Variants in GPD2 observed in about 807,000 individuals in gnomAD.
The protein encoded by GPD2 is glycerol-3-phosphate dehydrogenase, mitochondrial.
A neutral mutation model predicts 82.4 loss-of-function variants in GPD2; 54 were observed. That is an observed-to-expected ratio of 0.66 (90% CI 0.53 to 0.82). The LOEUF is 0.82. Among genes scored for constraint, GPD2 ranks in the 40% least tolerant of loss-of-function variants. The pLI is 0.00. For synonymous variants in GPD2, 288 were observed against 306.1 expected, an observed-to-expected ratio of 0.94 and a Z score of 0.62; for missense variants, 748 against 896.2, an observed-to-expected ratio of 0.83 and a Z score of 2.11.
the GPD2 span, among the ~76,000 whole-genome samples, chr2:156,404,951 A>G: frequency 6.6e-6 from 1 of 152,196 alleles, no homozygotes; most frequent in Non-Finnish European, 1.5e-5. Context: ...TTTTTAGGAC[A>G]CATTCCCAGC....
upstream of GPD2, among the ~76,000 whole-genome samples, chr2:156,434,265 G>A (rs1407418724): frequency 4.0e-5 from 6 of 151,872 alleles, no homozygotes; most frequent in African/African-American, 9.7e-5. Context: ...CACCATGCCC[G>A]GCTAATTTTT....
intron 1 of GPD2, among the ~76,000 whole-genome samples, chr2:156,451,517 G>A (rs867054093): frequency 0.017 from 1,560 of 92,358 alleles, 132 homozygotes; most frequent in African/African-American, 0.06. Context: ...CGAGCGGGGG[G>A]GCTGACCCCC....
At chr2:156,514,646 A>C (rs1289963271) in intron 6 of GPD2, among the ~76,000 whole-genome samples, 1 of 152,120 alleles carries the variant, frequency 6.6e-6, no homozygotes, top group Admixed American at 6.6e-5. Context: ...CAGAGAGGGA[A>C]AAGGGGACCA....
intron 1 of GPD2, among the ~76,000 whole-genome samples, chr2:156,458,760 A>T (rs1682874040): frequency 2.0e-5 from 3 of 152,078 alleles, no homozygotes; most frequent in Admixed American, 2.0e-4. Flanking sequence ...TGCTCTTTGG[A>T]ATTCTTTTTT....
rs921756361 is a variant in GPD2, at chr2:156,544,254, C to T, written c.662-5354C>T. Among the ~76,000 whole-genome samples, 39 of 152,278 alleles carry T rather than the reference C, an allele frequency of 2.6e-4. 1 individual carries two copies. The highest frequency in any genetic ancestry group is 3.8e-4 in the Non-Finnish European group (26 of 68,020). Reference sequence around the variant, plus strand: ...CTCAACATTTGCTGTCATCTTCCTCCTGGTACCATTAGGCTAACCTGGGCA... The same window carrying T: ...CTCAACATTTGCTGTCATCTTCCTCTTGGTACCATTAGGCTAACCTGGGCA... On this transcript the variant is annotated intron_variant, in intron 6 of 16. Coordinates refer to ENST00000438166, the MANE Select transcript of GPD2 (RefSeq NM_000408.5).
intron 1 of GPD2, among the ~76,000 whole-genome samples, chr2:156,456,318 C>T (rs1682786053): frequency 1.3e-5 from 2 of 152,212 alleles, no homozygotes; most frequent in South Asian, 4.1e-4. Context: ...TGTTGGTCTT[C>T]TTGGGCCAGG....
upstream of GPD2, chr2:156,436,285 G>C (rs74424982): frequency 6.5e-6 from 1 of 152,950 alleles, no homozygotes; most frequent in Admixed American, 6.5e-5. Flanking sequence ...CTCCGGGAGG[G>C]AGCAGGCGCG....
chr2:156,413,587 C>CA, the GPD2 span, among the ~76,000 whole-genome samples: 2 of 149,158 alleles, frequency 1.3e-5, no homozygotes, highest in Non-Finnish European at 1.5e-5. Flanking sequence ...CTCCACCACA[C>CA]AAAAAAAATA....
chr2:156,569,026 A>G (rs1166800753), intron 10 of GPD2, 67 bp downstream of exon 10: 1 of 1,326,626 alleles, frequency 7.5e-7, no homozygotes. Flanking sequence ...ACAGGGTCTC[A>G]CCATGTTGCC....
intron 2 of GPD2, among the ~76,000 whole-genome samples, chr2:156,493,926 ATGTGTGTGTGTG>A (rs542950582): frequency 7.3e-6 from 1 of 136,224 alleles, no homozygotes; most frequent in African/African-American, 2.7e-5. Context: ...ATATATATGT[ATGTGTGTGTGTG>A]TGTGTGTGTG....
intron 1 of GPD2, among the ~76,000 whole-genome samples, chr2:156,449,221 G>A (rs1029927214): frequency 2.0e-5 from 3 of 151,874 alleles, no homozygotes; most frequent in South Asian, 2.1e-4. Context: ...TGTTGTGGGC[G>A]TCATTATTTA....
At chr2:156,411,278 A>G in the GPD2 span, among the ~76,000 whole-genome samples, 3 of 152,220 alleles carry the variant, frequency 2.0e-5, no homozygotes, top group African/African-American at 4.8e-5. Context: ...TCATTTGTAT[A>G]ACTTTCCAGT....
the GPD2 span, among the ~76,000 whole-genome samples, chr2:156,409,027 T>C: frequency 1.7e-4 from 26 of 152,288 alleles, no homozygotes; most frequent in Admixed American, 1.6e-3. Context: ...GCATACCATC[T>C]GAAGATGAAG....
At chr2:156,554,717 A>G (rs528727380) in intron 8 of GPD2, among the ~76,000 whole-genome samples, 4 of 152,216 alleles carry the variant, frequency 2.6e-5, no homozygotes, top group East Asian at 1.9e-4. Flanking sequence ...AATACACCAA[A>G]CGACTGAAAT....
Position 156,570,135 on chromosome 2 carries a change from G to T in GPD2, c.1525G>T (p.Ala509Ser). ...CTATGGTGATAAGGCCTTTGAGGTGGCCAAAATGGCAAGTGTGACTGGCAA... is the reference window on the plus strand; with the variant it reads ...CTATGGTGATAAGGCCTTTGAGGTGTCCAAAATGGCAAGTGTGACTGGCAA... Reference protein sequence around the residue: ...ATYGDKAFEVAKMASVTGKRW... With the variant: ...ATYGDKAFEVSKMASVTGKRW... Residue 509 changes from alanine to serine, a missense_variant, in exon 12 of 17, where the codon GCC becomes TCC. Transcript: ENST00000438166. 6.2e-7 allele frequency: 1 copy of T among 1,611,944 alleles called. No homozygotes were observed. Among genetic ancestry groups the T allele is most frequent in the Non-Finnish European group, 8.5e-7 (1 of 1,178,848 alleles).
the GPD2 span, among the ~76,000 whole-genome samples, chr2:156,408,655 T>A: frequency 1.4e-5 from 2 of 148,078 alleles, no homozygotes; most frequent in Non-Finnish European, 3.0e-5. Flanking sequence ...TGGGAGAATC[T>A]CTTGAGCCTG....
chr2:156,450,976 G>A (rs1334914232), intron 1 of GPD2, among the ~76,000 whole-genome samples: 1 of 134,702 alleles, frequency 7.4e-6, no homozygotes, highest in Non-Finnish European at 1.6e-5. Context: ...GCACAGGGTT[G>A]GGGGTAAGGT....
intron 1 of GPD2, among the ~76,000 whole-genome samples, chr2:156,457,337 T>G (rs2105168099): frequency 6.6e-6 from 1 of 152,348 alleles, no homozygotes; most frequent in Admixed American, 6.5e-5. Flanking sequence ...ATTTTTAATC[T>G]GCCAATTGAC....
chr2:156,444,757 A>C (rs1392036019), intron 1 of GPD2, among the ~76,000 whole-genome samples: 7 of 152,010 alleles, frequency 4.6e-5, no homozygotes, highest in Non-Finnish European at 8.8e-5. Flanking sequence ...AATTTTATTT[A>C]TTATTATTTT....
Sources: gnomAD v4.1 joint callset for allele counts (sites outside exome capture counted in the v4.1 genomes callset) on GRCh38, gnomAD v4.1.1 for gene constraint, MANE v1.5 for transcripts, NCBI Gene and HGNC (gene_info 2026-07-23, HGNC 2026-07-21) for gene names.